The following LEO1 variants were observed in gnomAD, a reference collection of about 807,000 sequenced individuals.
LEO1 encodes the protein LEO1 component of Paf1/RNA polymerase II complex, also known as RNA polymerase-associated protein LEO1.
In LEO1, 34 loss-of-function variants were observed where a neutral mutation model predicts 80.4. The observed-to-expected ratio is 0.42, with a 90% confidence interval of 0.32 to 0.56. The LOEUF is 0.56. Among genes scored for constraint, LEO1 ranks in the 20% least tolerant of loss-of-function variants. The pLI is 0.10. For synonymous variants in LEO1, 262 were observed against 274.9 expected (o/e 0.95, Z 0.46); for missense variants, 631 against 814.2 (o/e 0.77, Z 2.74).
At chr15:51,939,574 G>C (rs930002636) in intron 11 of LEO1, among the ~76,000 whole-genome samples, 2 of 152,140 alleles carry the variant, frequency 1.3e-5, no homozygotes, top group Non-Finnish European at 2.9e-5. Flanking sequence ...GAAGGGACAA[G>C]AGCCCCTCCT....
Position 51,971,760 on chromosome 15 carries a change from G to T in LEO1, c.-15C>A. On this transcript the variant is annotated 5_prime_UTR_variant, in exon 1 of 12. Coordinates refer to ENST00000299601, the MANE Select transcript of LEO1 (RefSeq NM_138792.4). Reference sequence around the variant, plus strand: ...ATATCCGCCATTATCGCTCACGTCCGCTGCTGCCTCGGTTAGGGGCAGCTC... The same window carrying T: ...ATATCCGCCATTATCGCTCACGTCCTCTGCTGCCTCGGTTAGGGGCAGCTC... 2 of 1,613,924 alleles carry T rather than the reference G, an allele frequency of 1.2e-6. No homozygotes were observed.
intron 8 of LEO1, among the ~76,000 whole-genome samples, chr15:51,952,862 A>G (rs1595936924): frequency 6.6e-6 from 1 of 152,248 alleles, no homozygotes; most frequent in Non-Finnish European, 1.5e-5. Flanking sequence ...GGCAGTTATA[A>G]TAACCACTGG....
At chr15:51,957,060 C>T (rs2056995309) in intron 6 of LEO1, among the ~76,000 whole-genome samples, 1 of 152,016 alleles carries the variant, frequency 6.6e-6, no homozygotes, top group Non-Finnish European at 1.5e-5. Flanking sequence ...AACTCCTGGC[C>T]AGTCTTCTCA....
chr15:51,949,755 G>T, intron 10 of LEO1, 53 bp downstream of exon 10: 3 of 1,406,984 alleles, frequency 2.1e-6, no homozygotes, highest in Non-Finnish European at 3.0e-6. Flanking sequence ...CTAATGCCAA[G>T]ATGAAGTCCA....
intron 1 of LEO1, among the ~76,000 whole-genome samples, chr15:51,968,937 C>T (rs1423896062): frequency 6.6e-6 from 1 of 152,032 alleles, no homozygotes; most frequent in Non-Finnish European, 1.5e-5. Flanking sequence ...ACATTTATAA[C>T]TCAACAATAA....
intron 11 of LEO1, among the ~76,000 whole-genome samples, chr15:51,945,065 A>T (rs1350264865): frequency 6.6e-6 from 1 of 152,044 alleles, no homozygotes; most frequent in Admixed American, 6.6e-5. Context: ...CTAAGAGTTA[A>T]ATCATATCTT....
chr15:51,962,927 C>CCG (rs1555393526), intron 2 of LEO1, among the ~76,000 whole-genome samples: 3 of 145,164 alleles, frequency 2.1e-5, no homozygotes, highest in Admixed American at 7.0e-5. Flanking sequence ...CAGAACATGC[C>CCG]CCCCCCCCAA....
Position 51,951,408 on chromosome 15 carries a change from T to A in LEO1, c.1611+436A>T, listed in dbSNP as rs532339151. On this transcript the variant is annotated intron_variant, in intron 9 of 11. Coordinates refer to ENST00000299601, the MANE Select transcript of LEO1 (RefSeq NM_138792.4). ...CCAGGTAGAATGTTACAAATTGACC[T>A]TAAAAACTCATAAGCTCGTCTTATT... Among the ~76,000 whole-genome samples, 9 of 152,340 alleles carry A rather than the reference T, an allele frequency of 5.9e-5. No individual in the cohort carries two copies. In the East Asian group the frequency reaches 1.5e-3, roughly 26 times the overall value.
At chr15:51,963,658 T>A (rs533443871) in intron 2 of LEO1, among the ~76,000 whole-genome samples, 1 of 152,140 alleles carries the variant, frequency 6.6e-6, no homozygotes, top group East Asian at 1.9e-4. Flanking sequence ...TCCCAGCACT[T>A]TGGGAGGCCA....
At position 51,954,563 on chromosome 15, in the gene LEO1, T is replaced by C. The variant is rs751805205; in HGVS notation, c.1258A>G (p.Ile420Val). 2.5e-6 allele frequency: 4 copies of C among 1,606,994 alleles called. No homozygotes were observed. Among genetic ancestry groups the C allele is most frequent in the African/African-American group, 2.7e-5 (2 of 74,784 alleles). Residue 420 changes from isoleucine (I) to valine (V), a missense_variant, in exon 7 of 12, where the codon ATA becomes GTA. Ile to Val is a conservative substitution (Grantham distance 29). Transcript: ENST00000299601. The part of the protein sequence containing the change: ...TRLKLKVENT[I>V]RWRIRRDEEG... ...TCATCTCGGCGTATCCTCCATCTTA[T>C]AGTATTTTCTACCTGTTTCACAACA...
chr15:51,966,099 TCTGA>T lies in LEO1; in HGVS notation c.460_463del (p.Ser154MetfsTer64). On this transcript the variant is annotated frameshift_variant, in exon 2 of 12. Coordinates refer to ENST00000299601, the MANE Select transcript of LEO1 (RefSeq NM_138792.4). LOFTEE classifies it high-confidence loss of function. Reference sequence around the variant, plus strand: ...ATCAGAATTTTGTATCTTTTCATCATCTGACTGGTCACTTTTATCTTCTCTGCCC... The same window carrying T: ...ATCAGAATTTTGTATCTTTTCATCATCTGGTCACTTTTATCTTCTCTGCCC... 1 of 1,614,086 alleles carries T rather than the reference TCTGA, an allele frequency of 6.2e-7. No individual in the cohort carries two copies. Among genetic ancestry groups the T allele is most frequent in the Non-Finnish European group, 8.5e-7 (1 of 1,180,046 alleles).
chr15:51,946,560 C>CT (rs879299783), intron 11 of LEO1, among the ~76,000 whole-genome samples: 1,456 of 144,858 alleles, frequency 0.01, 33 homozygotes, highest in African/African-American at 0.033. Context: ...AAATCATTTT[C>CT]TTTTTTTTTT....
chr15:51,940,538 G>C (rs1205988378), intron 11 of LEO1, among the ~76,000 whole-genome samples: 1 of 151,592 alleles, frequency 6.6e-6, no homozygotes, highest in African/African-American at 2.4e-5. Context: ...TCCAGCCTGG[G>C]CGACAGAGCG....
intron 7 of LEO1, among the ~76,000 whole-genome samples, chr15:51,954,253 G>A (rs1289302210): frequency 6.6e-6 from 1 of 151,426 alleles, no homozygotes; most frequent in Non-Finnish European, 1.5e-5. Context: ...CATGCAGGGT[G>A]GTGCACACCA....
chr15:51,968,020 C>G (rs1025181078), intron 1 of LEO1, among the ~76,000 whole-genome samples: 1 of 151,150 alleles, frequency 6.6e-6, no homozygotes, highest in African/African-American at 2.4e-5. Context: ...CCCATCTCTA[C>G]TAAAAATACA....
chr15:51,953,438 T>C (rs1387183747), intron 7 of LEO1, among the ~76,000 whole-genome samples, 175 bp from the exon 8 acceptor site: 2 of 152,032 alleles, frequency 1.3e-5, no homozygotes, highest in Non-Finnish European at 2.9e-5. Flanking sequence ...CTGGTCAACA[T>C]GGTGAAACCC....
rs2057038958 is a variant in LEO1 at position 51,962,477 on chromosome 15, A to G, written c.831T>C (p.Ser277=). 3.1e-6 allele frequency: 5 copies of G among 1,611,548 alleles called. No homozygotes were observed. Among genetic ancestry groups the G allele is most frequent in the Non-Finnish European group, 4.2e-6 (5 of 1,177,834 alleles). Reference sequence around the variant, plus strand: ...TTCGTAAAACTTCATCTTCACTATCACTGCCTCTTGCAGATTCTATAAGGG... The same window carrying G: ...TTCGTAAAACTTCATCTTCACTATCGCTGCCTCTTGCAGATTCTATAAGGG... The part of the protein sequence containing the change: ...QDHKSESARG[S]DSEDEVLRMK... Residue 277 remains serine (S), a synonymous_variant, in exon 3 of 12, where the codon AGT becomes AGC. Transcript: ENST00000299601.
chr15:51,942,707 A>T (rs2056863969), intron 11 of LEO1, among the ~76,000 whole-genome samples: 1 of 151,926 alleles, frequency 6.6e-6, no homozygotes, highest in Non-Finnish European at 1.5e-5. Flanking sequence ...GGATCACCTG[A>T]TGTCAGGAGT....
chr15:51,938,217 T>C lies in LEO1; in HGVS notation c.1940A>G (p.Lys647Arg). Residue 647 changes from lysine to arginine, a missense_variant, in exon 12 of 12, where the codon AAA becomes AGA. Physicochemically the swap from Lys to Arg is conservative, Grantham distance 26 (BLOSUM62 2). This residue lies in a region of LEO1 where 117 missense variants were observed against 163.5 expected (regional missense o/e 0.72). Transcript: ENST00000299601. ...SGKRKAEDDD[K>R]ANKKHKKYVI... ...ATACTTCTTATGCTTTTTATTTGCT[T>C]TATCATCATCTTCTGCTTTTCTCTT... 1 of 1,610,878 alleles carries C rather than the reference T, an allele frequency of 6.2e-7. No homozygotes were observed. Among genetic ancestry groups the C allele is most frequent in the Non-Finnish European group, 8.5e-7 (1 of 1,178,126 alleles).
Sources: gnomAD v4.1 joint callset for allele counts (sites outside exome capture counted in the v4.1 genomes callset) on GRCh38, gnomAD v4.1.1 for gene constraint, gnomAD v4.1.1 regional missense constraint, MANE v1.5 for transcripts, NCBI Gene and HGNC (gene_info 2026-07-23, HGNC 2026-07-21) for gene names.